The following MYLK2 variants were observed in gnomAD, a reference collection of about 807,000 sequenced individuals.
The protein encoded by MYLK2 is myosin light chain kinase 2, skeletal/cardiac muscle.
MYLK2 carries 27 observed loss-of-function variants against 58.2 expected under a neutral mutation model. The observed-to-expected ratio is 0.46, with a 90% CI of 0.34 to 0.64. The LOEUF is 0.64. Ranked by LOEUF, MYLK2 falls within the 30% of genes least tolerant of loss-of-function variation. The pLI is 0.01. For synonymous variants in MYLK2, 310 were observed against 296.7 expected (o/e 1.04, Z -0.46); for missense variants, 676 against 764.3 (o/e 0.88, Z 1.36).
chr20:31,820,039 C>T, intron 2 of MYLK2, 87 bp from the exon 3 acceptor site: 1 of 1,563,166 alleles, frequency 6.4e-7, no homozygotes, highest in Non-Finnish European at 8.8e-7. Context: ...GGGTGGGAAC[C>T]TGGGCCCAGA....
intron 5 of MYLK2, 148 bp downstream of exon 5, chr20:31,823,730 T>C (rs2062263892): frequency 1.1e-6 from 1 of 903,144 alleles, no homozygotes; most frequent in Non-Finnish European, 1.7e-6. Flanking sequence ...GGACACACAC[T>C]GTGTGCAGCT....
chr20:31,832,278 T>A, intron 12 of MYLK2, 142 bp downstream of exon 12: 2 of 1,261,590 alleles, frequency 1.6e-6, no homozygotes, highest in Non-Finnish European at 2.2e-6. Context: ...TTGACTTTTC[T>A]GTTTTTGCCC....
chr20:31,827,727 C>T (rs1443074746), intron 8 of MYLK2, among the ~76,000 whole-genome samples: 2 of 151,868 alleles, frequency 1.3e-5, no homozygotes, highest in African/African-American at 4.8e-5. Context: ...CCATGTTGGC[C>T]AGGCTGATCT....
Position 31,820,396 on chromosome 20 carries a change from T to A in MYLK2, c.323T>A (p.Val108Asp). Reference protein sequence around the residue: ...PQQTATPETSVKKPKAEQGAS... With the variant: ...PQQTATPETSDKKPKAEQGAS... Reference sequence around the variant, plus strand: ...CAGACTGCGACACCTGAGACCAGCGTCAAGAAGCCCAAGGCTGAGCAGGGA... The same window carrying A: ...CAGACTGCGACACCTGAGACCAGCGACAAGAAGCCCAAGGCTGAGCAGGGA... The change falls in exon 3 of 13, where the codon GTC (valine) becomes GAC (aspartate). Residue 108 changes from valine (V) to aspartate (D), a missense_variant. Transcript: ENST00000375985. 6.2e-7 allele frequency: 1 copy of A among 1,612,308 alleles called. No homozygotes were observed. Among genetic ancestry groups the A allele is most frequent in the African/African-American group, 1.3e-5 (1 of 74,880 alleles).
intron 4 of MYLK2, 130 bp downstream of exon 4, chr20:31,821,867 C>T (rs1192440584): frequency 4.0e-6 from 3 of 755,184 alleles, no homozygotes; most frequent in Admixed American, 5.9e-5. Context: ...GCCCATTCAT[C>T]TAAGGGTCAC....
At chr20:31,833,672 C>G (rs371472685) in intron 12 of MYLK2, 45 bp from the exon 13 acceptor site, 19 of 1,553,932 alleles carry the variant, frequency 1.2e-5, no homozygotes, top group Non-Finnish European at 1.7e-5. Flanking sequence ...GCAGCTGCCC[C>G]CCTGCCCTGG....
In MYLK2 at chr20:31,821,622, G is replaced by C; in HGVS notation, c.657G>C (p.Lys219Asn). The change falls in exon 4 of 13, where the codon AAG becomes AAC. Residue 219 changes from lysine to asparagine, a missense_variant. This residue lies in a region of MYLK2 where 306 missense variants were observed against 296.5 expected (regional missense o/e 1.03). Coordinates refer to ENST00000375985, the MANE Select transcript of MYLK2 (RefSeq NM_033118.4). ...EKTPGQAGQA[K>N]MQGDTSRGIE... is the part of the protein sequence containing the mutation. ...CCCCAGGCCAGGCTGGCCAGGCTAA[G>C]ATGCAAGGGGACACCTCGAGGGGGA... 1 of 1,614,096 alleles carries C rather than the reference G, an allele frequency of 6.2e-7. No individual in the cohort carries two copies. Among genetic ancestry groups the C allele is most frequent in the African/African-American group, 1.3e-5 (1 of 75,062 alleles).
intron 2 of MYLK2, 89 bp from the exon 3 acceptor site, chr20:31,820,037 A>C: frequency 2.6e-6 from 4 of 1,544,208 alleles, no homozygotes; most frequent in Non-Finnish European, 3.6e-6. Context: ...CTGGGTGGGA[A>C]CCTGGGCCCA....
chr20:31,833,807 G>C lies in MYLK2; in HGVS notation c.*10G>C. ...GGCTCTGGGGGTCTGAGCCCTGGGC[G>C]CAGCTGAAGCCTGGACGCAGCCACA... is the stretch of plus-strand genomic sequence containing the variant. On this transcript the variant is annotated 3_prime_UTR_variant, in exon 13 of 13. Transcript: ENST00000375985. The C allele has an allele frequency of 6.2e-7, 1 of 1,610,574 alleles. No individual in the cohort carries two copies. Among genetic ancestry groups the C allele is most frequent in the South Asian group, 1.1e-5 (1 of 91,062 alleles).
At chr20:31,824,235 A>C (rs1383339514) in intron 5 of MYLK2, 24 bp from the exon 6 acceptor site, 1 of 1,609,720 alleles carries the variant, frequency 6.2e-7, no homozygotes. Flanking sequence ...GGGTCCCCTC[A>C]CTTACAGCCT....
chr20:31,831,740 A>G lies in MYLK2; in HGVS notation c.1462A>G (p.Thr488Ala). Residue 488 changes from threonine (T) to alanine (A), a missense_variant, in exon 11 of 13, where the codon ACA (threonine) becomes GCA (alanine). By Grantham distance (58) the Thr-to-Ala change is moderately conservative. This residue lies in a region of MYLK2 where 370 missense variants were observed against 467.8 expected (regional missense o/e 0.79). Transcript: ENST00000375985. ...CTCCCCCTTCCTGGGAGATGATGAC[A>G]CAGAGACCCTAAACAACGTTCTATC... ...GLSPFLGDDD[T>A]ETLNNVLSGN... 1 of 1,613,806 alleles carries G rather than the reference A, an allele frequency of 6.2e-7. No individual in the cohort carries two copies. The highest frequency in any genetic ancestry group is 8.5e-7 in the Non-Finnish European group (1 of 1,179,924).
At position 31,821,528 on chromosome 20, in the gene MYLK2, C is replaced by G. The variant is rs1408086070; in HGVS notation, c.563C>G (p.Pro188Arg). ...GVPMTHSPTD[P>R]RPAKAEEGKN... The stretch of plus-strand genomic sequence containing the variant: ...CCCATGACCCACAGCCCCACGGATC[C>G]CAGGCCAGCCAAGGCAGAAGAAGGA... The change falls in exon 4 of 13, where the codon CCC becomes CGC. Residue 188 changes from proline to arginine, a missense_variant. Physicochemically the swap from Pro to Arg is moderately radical, Grantham distance 103. Transcript: ENST00000375985. 1 of 1,613,938 alleles carries G rather than the reference C, an allele frequency of 6.2e-7. No homozygotes were observed. The highest frequency in any genetic ancestry group is 1.1e-5 in the South Asian group (1 of 91,092).
Position 31,831,702 on chromosome 20 carries a change from G to A in MYLK2, c.1425-1G>A. On this transcript the variant is annotated splice_acceptor_variant, in intron 10 of 12. Coordinates refer to ENST00000375985, the MANE Select transcript of MYLK2 (RefSeq NM_033118.4). LOFTEE classifies it high-confidence loss of function. Reference sequence around the variant, plus strand: ...TGCCCCCTGCTATCCCCTCCCTCTAGGCTGAGCGGCCTCTCCCCCTTCCTG... The same window carrying A: ...TGCCCCCTGCTATCCCCTCCCTCTAAGCTGAGCGGCCTCTCCCCCTTCCTG... 2 of 1,613,964 alleles carry A rather than the reference G, an allele frequency of 1.2e-6. No homozygotes were observed. Among genetic ancestry groups the A allele is most frequent in the Non-Finnish European group, 1.7e-6 (2 of 1,179,982 alleles).
At chr20:31,824,405 A>C in intron 6 of MYLK2, 53 bp downstream of exon 6, 1 of 1,574,238 alleles carries the variant, frequency 6.4e-7, no homozygotes, top group Non-Finnish European at 8.6e-7. Context: ...GGATCCTTGG[A>C]GTGGGCACCT....
rs145656924 is a variant in MYLK2 at position 31,821,473 on chromosome 20, G to A, written c.508G>A (p.Glu170Lys). ...GCTGCTGGCCAAGAAGCCCCCAAGC[G>A]AGGCATCAGAGCTCACCTTTGAAGG... ...EKLLAKKPPS[E>K]ASELTFEGVP... The change falls in exon 4 of 13, where the codon GAG becomes AAG. Residue 170 changes from glutamate to lysine, a missense_variant. By Grantham distance (56) the Glu-to-Lys change is moderately conservative (BLOSUM62 1). Coordinates refer to ENST00000375985, the MANE Select transcript of MYLK2 (RefSeq NM_033118.4). The A allele has an allele frequency of 2.9e-4, 462 of 1,613,834 alleles. 3 individuals are homozygous for A. In the African/African-American group the frequency reaches 5.4e-3, roughly 19 times the overall value.
rs28763880 is a variant in MYLK2, at chr20:31,820,175, A to G, written c.102A>G (p.Lys34=). The G allele has an allele frequency of 1.7e-3, 2,677 of 1,614,032 alleles. 13 individuals carry two copies. The highest frequency in any genetic ancestry group is 2.5e-3 in the South Asian group (224 of 91,080). Residue 34 remains lysine (K), a synonymous_variant, in exon 3 of 13, where the codon AAA becomes AAG. Coordinates refer to ENST00000375985, the MANE Select transcript of MYLK2 (RefSeq NM_033118.4). ...PTGERPLAAG[K]DPGPPDPKKA... ...GTGAAAGACCCCTGGCTGCAGGGAAAGACCCTGGCCCCCCAGACCCAAAGA... is the reference window on the plus strand; with the variant it reads ...GTGAAAGACCCCTGGCTGCAGGGAAGGACCCTGGCCCCCCAGACCCAAAGA...
In MYLK2 at chr20:31,833,923, G is replaced by A; in HGVS notation, c.*126G>A. Reference sequence around the variant, plus strand: ...CCTCGTTAGGACAAGGCTGTGCCAGGCTGGGAGGCTCGGGGCTCCCCACGC... The same window carrying A: ...CCTCGTTAGGACAAGGCTGTGCCAGACTGGGAGGCTCGGGGCTCCCCACGC... On this transcript the variant is annotated 3_prime_UTR_variant, in exon 13 of 13. Transcript: ENST00000375985. 1.1e-6 allele frequency: 1 copy of A among 881,518 alleles called. No homozygotes were observed. The allele number at this position is 881,518 out of a possible 1,614,324, so 54.6% of individuals were successfully genotyped here. A position where few individuals can be genotyped will look rare whatever the true frequency, so the allele number is the denominator to read the frequency against.
At chr20:31,819,944 C>T (rs1417950750) in intron 2 of MYLK2, among the ~76,000 whole-genome samples, 182 bp from the exon 3 acceptor site, 1 of 152,180 alleles carries the variant, frequency 6.6e-6, no homozygotes, top group Non-Finnish European at 1.5e-5. Context: ...CCACAGAGGC[C>T]CTCCAAGGTC....
chr20:31,827,370 C>T lies in MYLK2; in HGVS notation c.1224+432C>T, dbSNP rs768330781. ...TATTTCTTGAGGGCCTACTTTATGC[C>T]AGGCAATGCTCTAGGTGGTGGAGAT... On this transcript the variant is annotated intron_variant, in intron 8 of 12. Transcript: ENST00000375985. 3.0e-6 allele frequency: 3 copies of T among 984,962 alleles called. No homozygotes were observed. The South Asian group carries it at 1.4e-4, about 46-fold the overall frequency. 61.0% of individuals were successfully genotyped at this position (984,962 alleles called of 1,614,324 possible). A position where few individuals can be genotyped will look rare whatever the true frequency, so the allele number is the denominator to read the frequency against.
Sources: gnomAD v4.1 joint callset for allele counts (sites outside exome capture counted in the v4.1 genomes callset) on GRCh38, gnomAD v4.1.1 for gene constraint, gnomAD v4.1.1 regional missense constraint, MANE v1.5 for transcripts, NCBI Gene and HGNC (gene_info 2026-07-23, HGNC 2026-07-21) for gene names.